PDE6C: variants seen among roughly 807,000 people sequenced by gnomAD.
PDE6C encodes cone cGMP-specific 3',5'-cyclic phosphodiesterase subunit alpha'.
Under a neutral mutation model 113.1 loss-of-function variants are expected in PDE6C, and 75 were observed. The observed-to-expected ratio is 0.66, with a 90% CI of 0.55 to 0.80. The LOEUF is 0.80. Ranked by LOEUF, PDE6C falls within the 30% of genes least tolerant of loss-of-function variation. PDE6C has a pLI of 0.00. For missense variants in PDE6C, 912 were observed against 1,038.6 expected (o/e 0.88, Z 1.67); for synonymous variants, 375 against 363.7 (o/e 1.03, Z -0.35).
chr10:93,648,135 G>C (rs1273337752), intron 15 of PDE6C, among the ~76,000 whole-genome samples: 4 of 151,974 alleles, frequency 2.6e-5, no homozygotes, highest in African/African-American at 4.8e-5. Context: ...TTTTCCTTCT[G>C]GGATTTGGCA....
At chr10:93,627,400 G>A (rs1273736828) in intron 7 of PDE6C, among the ~76,000 whole-genome samples, 1 of 151,938 alleles carries the variant, frequency 6.6e-6, no homozygotes, top group Non-Finnish European at 1.5e-5. Context: ...CATGAGAAAG[G>A]TTCCTCCATC....
At chr10:93,624,421 A>G (rs1005130108) in intron 4 of PDE6C, among the ~76,000 whole-genome samples, 1 of 152,132 alleles carries the variant, frequency 6.6e-6, no homozygotes, top group African/African-American at 2.4e-5. Context: ...GTATTTTAGT[A>G]GAGACAGGAT....
At chr10:93,627,851 TGAAAGA>T (rs1355773045) in intron 7 of PDE6C, among the ~76,000 whole-genome samples, 1 of 152,224 alleles carries the variant, frequency 6.6e-6, no homozygotes, top group African/African-American at 2.4e-5. Flanking sequence ...ATAAAAACTT[TGAAAGA>T]TTCTCGCATT....
intron 11 of PDE6C, among the ~76,000 whole-genome samples, chr10:93,637,606 G>A (rs1002704015): frequency 9.9e-5 from 15 of 152,150 alleles, no homozygotes; most frequent in South Asian, 4.1e-4. Context: ...CAATAAGTTC[G>A]TAATTTCAGA....
intron 15 of PDE6C, among the ~76,000 whole-genome samples, chr10:93,652,912 T>A (rs929601160): frequency 1.3e-5 from 2 of 152,206 alleles, no homozygotes; most frequent in African/African-American, 4.8e-5. Context: ...GCAGTCTGAT[T>A]TGCTTCTTTA....
At chr10:93,632,056 C>T (rs181020278) in intron 8 of PDE6C, among the ~76,000 whole-genome samples, 142 of 152,302 alleles carry the variant, frequency 9.3e-4, no homozygotes, top group Admixed American at 8.8e-3. Flanking sequence ...CTTCTCAGGG[C>T]CTCCCGCCTT....
intron 15 of PDE6C, among the ~76,000 whole-genome samples, chr10:93,654,782 CT>C (rs1368004379): frequency 1.5e-5 from 1 of 65,174 alleles, no homozygotes; most frequent in Non-Finnish European, 3.2e-5. Flanking sequence ...TTCTTTCTTT[CT>C]TTCTTTCTTT....
intron 7 of PDE6C, among the ~76,000 whole-genome samples, chr10:93,628,643 A>G (rs1039770304): frequency 6.6e-6 from 1 of 152,246 alleles, no homozygotes; most frequent in African/African-American, 2.4e-5. Flanking sequence ...TCTCTTGGAA[A>G]GACATGGTCT....
intron 1 of PDE6C, among the ~76,000 whole-genome samples, chr10:93,617,242 G>A (rs1037909247): frequency 3.3e-5 from 5 of 152,090 alleles, no homozygotes; most frequent in South Asian, 2.1e-4. Flanking sequence ...AAGAAACTTC[G>A]CTAAGGATTT....
At chr10:93,651,158 C>G (rs1405087845) in intron 15 of PDE6C, among the ~76,000 whole-genome samples, 2 of 152,266 alleles carry the variant, frequency 1.3e-5, no homozygotes, top group Middle Eastern at 3.4e-3. Context: ...AATTACTCAT[C>G]CCTGAGTGGA....
At chr10:93,639,981 A>G in intron 11 of PDE6C, 89 bp from the exon 12 acceptor site, 1 of 1,309,352 alleles carries the variant, frequency 7.6e-7, no homozygotes, top group Non-Finnish European at 1.1e-6. Context: ...CTTTTATTGT[A>G]ATTTTGGTTT....
chr10:93,657,573 T>C (rs2058644756), intron 16 of PDE6C, among the ~76,000 whole-genome samples: 1 of 152,138 alleles, frequency 6.6e-6, no homozygotes, highest in Non-Finnish European at 1.5e-5. Context: ...ACATTGTGTT[T>C]CAAAGATTTA....
At position 93,655,828 on chromosome 10, in the gene PDE6C, A is replaced by C. The variant is rs758177319; in HGVS notation, c.2004A>C (p.Ala668=). The stretch of plus-strand genomic sequence containing the variant: ...CAGTTATTCATTTGTTCGAGGTCGC[A>C]ATAATAGCAACTGACCTGGCTTTAT... ...FETVIHLFEV[A]IIATDLALYF... Residue 668 remains alanine, a synonymous_variant, in exon 16 of 22, where the codon GCA becomes GCC. Transcript: ENST00000371447. The C allele has an allele frequency of 6.2e-7, 1 of 1,602,412 alleles. No individual in the cohort carries two copies. The highest frequency in any genetic ancestry group is 1.1e-5 in the South Asian group (1 of 90,872).
rs953397948 is a variant in PDE6C, at chr10:93,651,602, A to G, written c.1936-4158A>G. 3.3e-5 allele frequency among the ~76,000 whole-genome samples: 5 copies of G among 152,122 alleles called. No individual in the cohort carries two copies. In the East Asian group the frequency reaches 5.8e-4, roughly 18 times the overall value. On this transcript the variant is annotated intron_variant, in intron 15 of 21. Coordinates refer to ENST00000371447, the MANE Select transcript of PDE6C (RefSeq NM_006204.4). ...CCTCCCTCAACACCTGGGGATTACA[A>G]TTCGAGATGAGATTTGGGTGGGGAC...
At chr10:93,631,552 C>T (rs1045638426) in intron 8 of PDE6C, among the ~76,000 whole-genome samples, 1 of 152,116 alleles carries the variant, frequency 6.6e-6, no homozygotes, top group Admixed American at 6.5e-5. Flanking sequence ...AGGGTCGGGA[C>T]TGCATCTCTG....
intron 16 of PDE6C, among the ~76,000 whole-genome samples, chr10:93,658,189 AAAAG>A (rs1419287452): frequency 2.9e-5 from 4 of 140,146 alleles, no homozygotes; most frequent in East Asian, 4.0e-4. Context: ...AAAAAAAAAA[AAAAG>A]AAAAAGAAAA....
chr10:93,619,888 C>T (rs2058437102), intron 1 of PDE6C, among the ~76,000 whole-genome samples: 1 of 151,966 alleles, frequency 6.6e-6, no homozygotes, highest in Admixed American at 6.6e-5. Context: ...TATACACAGG[C>T]AAAATCAGTA....
chr10:93,662,276 A>G lies in PDE6C; in HGVS notation c.2283+143A>G, dbSNP rs2058669152. The G allele has an allele frequency of 8.5e-6, 6 of 707,842 alleles. No individual in the cohort carries two copies. In the East Asian group the frequency reaches 1.6e-4, roughly 19 times the overall value. The allele number at this position is 707,842 out of a possible 1,614,324, so 43.8% of individuals were successfully genotyped here. On this transcript the variant is annotated intron_variant, in intron 19 of 21. Transcript: ENST00000371447. ...TCAAAAGATCGAGACCATCCTGACC[A>G]ACATGGTGTAACCCCGTTTCTACTA...
rs879067314 is a variant in PDE6C, at chr10:93,634,777, C to T, written c.1139C>T (p.Thr380Ile). Residue 380 changes from threonine to isoleucine, a missense_variant, in exon 9 of 22, where the codon ACT becomes ATT. Transcript: ENST00000371447. ...TTGTAGAAAGGACCTGTAGACGAAA[C>T]TGGTTGGGTCATTAAGAATGTTTTG... is the stretch of plus-strand genomic sequence containing the variant. ...FTFQKGPVDETGWVIKNVLSL... is the reference protein window; with the variant it reads ...FTFQKGPVDEIGWVIKNVLSL... 2.5e-6 allele frequency: 4 copies of T among 1,613,924 alleles called. No homozygotes were observed. The highest frequency in any genetic ancestry group is 2.2e-5 in the South Asian group (2 of 91,078).
Sources: gnomAD v4.1 joint callset for allele counts (sites outside exome capture counted in the v4.1 genomes callset) on GRCh38, gnomAD v4.1.1 for gene constraint, MANE v1.5 for transcripts, NCBI Gene and HGNC (gene_info 2026-07-23, HGNC 2026-07-21) for gene names.